The following PCDH15 variants were observed in gnomAD, a reference collection of about 807,000 sequenced individuals.
The protein encoded by PCDH15 is protocadherin-15.
In PCDH15, 129 loss-of-function variants were observed where a neutral mutation model predicts 178.5. That is an observed-to-expected ratio of 0.72 (90% CI 0.63 to 0.84). The LOEUF (loss-of-function observed/expected upper bound fraction) is 0.84. PCDH15 is among the 40% of genes least tolerant of loss of function. The probability of loss-of-function intolerance (pLI) is 0.00; values close to 1 mark genes in which losing one functional copy is unlikely to be tolerated. For missense variants in PCDH15, 2,230 were observed against 2,099.9 expected (o/e 1.06, Z -1.21); for synonymous variants, 800 against 732.0 (o/e 1.09, Z -1.50).
At chr10:54,422,811 G>A (rs905954956) in intron 3 of PCDH15, among the ~76,000 whole-genome samples, 2 of 152,094 alleles carry the variant, frequency 1.3e-5, no homozygotes, top group African/African-American at 4.8e-5. Flanking sequence ...GTCAGTTAGG[G>A]CAGCAGAGAA....
chr10:54,159,351 A>G (rs954647323), intron 13 of PCDH15, among the ~76,000 whole-genome samples: 2 of 152,024 alleles, frequency 1.3e-5, no homozygotes, highest in Non-Finnish European at 2.9e-5. Context: ...GTAAATTTAT[A>G]TCTGGTGTTT....
chr10:54,402,731 CACAT>C (rs899609260), intron 3 of PCDH15, among the ~76,000 whole-genome samples: 1 of 151,874 alleles, frequency 6.6e-6, no homozygotes, highest in African/African-American at 2.4e-5. Flanking sequence ...AAACCATTCC[CACAT>C]TACATTGAAC....
At chr10:54,436,229 G>A (rs1172429335) in intron 3 of PCDH15, among the ~76,000 whole-genome samples, 2 of 151,814 alleles carry the variant, frequency 1.3e-5, no homozygotes, top group East Asian at 3.9e-4. Flanking sequence ...GAATTAGAAT[G>A]CAAAGTCAAA....
intron 3 of PCDH15, among the ~76,000 whole-genome samples, chr10:54,862,150 AC>A (rs1378846449): frequency 6.6e-6 from 1 of 152,170 alleles, no homozygotes; most frequent in Non-Finnish European, 1.5e-5. Flanking sequence ...TACAATGCAT[AC>A]CTTTTTGTAG....
At chr10:54,837,511 A>T (rs1221882869) in intron 3 of PCDH15, among the ~76,000 whole-genome samples, 1 of 152,206 alleles carries the variant, frequency 6.6e-6, no homozygotes, top group Non-Finnish European at 1.5e-5. Flanking sequence ...AATTGAACTT[A>T]ATTGTTGTAA....
At chr10:55,264,877 C>A (rs1414323444) in intron 1 of PCDH15, among the ~76,000 whole-genome samples, 1 of 152,294 alleles carries the variant, frequency 6.6e-6, no homozygotes, top group East Asian at 1.9e-4. Flanking sequence ...TCTGAGGCCC[C>A]ATATGTGCAG....
intron 2 of PCDH15, among the ~76,000 whole-genome samples, chr10:55,567,691 C>T (rs905993406): frequency 6.6e-6 from 1 of 151,876 alleles, no homozygotes; most frequent in Non-Finnish European, 1.5e-5. Context: ...TGAAAACATG[C>T]TCAACATCAC....
At chr10:54,364,256 T>C (rs1442402111) in intron 5 of PCDH15, among the ~76,000 whole-genome samples, 2 of 151,716 alleles carry the variant, frequency 1.3e-5, no homozygotes, top group East Asian at 3.9e-4. Flanking sequence ...CTTGCTGAAC[T>C]CACTTTTTAA....
chr10:55,499,270 C>T (rs1251306600), intron 2 of PCDH15, among the ~76,000 whole-genome samples: 2 of 151,690 alleles, frequency 1.3e-5, no homozygotes, highest in Non-Finnish European at 2.9e-5. Flanking sequence ...TAACAGAAAA[C>T]TAATACAATT....
Position 54,629,118 on chromosome 10 carries a change from G to A in PCDH15, c.91+35054C>T, listed in dbSNP as rs1027444816. 1.4e-4 allele frequency among the ~76,000 whole-genome samples: 21 copies of A among 151,704 alleles called. No homozygotes were observed. In the East Asian group the frequency reaches 2.3e-3, roughly 17 times the overall value. ...TAGCTACAGTACTTATTATTCCACC[G>A]GAAGAAAGCATATGCTTCAACACAA... is the stretch of plus-strand genomic sequence containing the variant. On this transcript the variant is annotated intron_variant, in intron 2 of 37. Coordinates refer to ENST00000644397, the MANE Select transcript of PCDH15 (RefSeq NM_001384140.1).
rs542859017 is a variant in PCDH15, at chr10:54,464,107, C to G, written c.157+63705G>C. Among the ~76,000 whole-genome samples, 276 of 152,234 alleles carry G rather than the reference C, an allele frequency of 1.8e-3. 1 individual carries two copies. The highest frequency in any genetic ancestry group is 6.4e-3 in the African/African-American group (265 of 41,568). On this transcript the variant is annotated intron_variant, in intron 3 of 37. Transcript: ENST00000644397. ...TAGCTTCACCTGCACAGCCAGGGCT[C>G]TGTTGCACTGGAATCAGTAGAGGGA...
At chr10:55,012,041 G>A (rs944608782) in intron 2 of PCDH15, among the ~76,000 whole-genome samples, 7 of 152,054 alleles carry the variant, frequency 4.6e-5, no homozygotes, top group Non-Finnish European at 7.4e-5. Context: ...CCCTTGGCAC[G>A]AAGTATATTT....
At chr10:54,924,632 G>A (rs935270839) in intron 2 of PCDH15, among the ~76,000 whole-genome samples, 99 of 151,942 alleles carry the variant, frequency 6.5e-4, no homozygotes, top group African/African-American at 2.3e-3. Context: ...TTTAAAAATA[G>A]CCATTCTGAT....
chr10:54,145,852 CA>C (rs1286927979), intron 14 of PCDH15, among the ~76,000 whole-genome samples: 2 of 151,964 alleles, frequency 1.3e-5, no homozygotes, highest in African/African-American at 4.8e-5. Flanking sequence ...TGATTATAAC[CA>C]AAAGTGCCAA....
At chr10:53,926,128 C>T (rs1170320765) in intron 25 of PCDH15, among the ~76,000 whole-genome samples, 2 of 152,052 alleles carry the variant, frequency 1.3e-5, no homozygotes, top group Admixed American at 1.3e-4. Flanking sequence ...TGCAGTTGTC[C>T]TATATTTTCC....
In PCDH15 at chr10:55,089,010, G is replaced by C. The variant is rs181694858; in HGVS notation, c.-80+77566C>G. Reference sequence around the variant, plus strand: ...TATTCTAGATAAACTGATAATTCTTGTTTTAAAAAAAGATGTTATGTTTCT... The same window carrying C: ...TATTCTAGATAAACTGATAATTCTTCTTTTAAAAAAAGATGTTATGTTTCT... On this transcript the variant is annotated intron_variant, in intron 2 of 5. Transcript: ENST00000458638. Among the ~76,000 whole-genome samples, 277 of 152,016 alleles carry C rather than the reference G, an allele frequency of 1.8e-3. 2 individuals carry two copies. The highest frequency in any genetic ancestry group is 6.0e-3 in the African/African-American group (248 of 41,506).
At chr10:54,850,665 T>C (rs1162031165) in intron 3 of PCDH15, among the ~76,000 whole-genome samples, 3 of 152,122 alleles carry the variant, frequency 2.0e-5, no homozygotes, top group African/African-American at 4.8e-5. Flanking sequence ...ATTATGAATA[T>C]AAAATTGAAG....
chr10:54,831,462 AAC>A (rs1953226522), intron 3 of PCDH15, among the ~76,000 whole-genome samples: 1 of 152,108 alleles, frequency 6.6e-6, no homozygotes, highest in African/African-American at 2.4e-5. Context: ...ACCAGTTTTT[AAC>A]ATTGTGATGT....
intron 2 of PCDH15, among the ~76,000 whole-genome samples, chr10:55,100,312 C>T (rs978659398): frequency 1.3e-5 from 2 of 152,022 alleles, no homozygotes; most frequent in African/African-American, 2.4e-5. Flanking sequence ...ATGTTCAATA[C>T]ATATTTTAGG....
Sources: gnomAD v4.1 joint callset for allele counts (sites outside exome capture counted in the v4.1 genomes callset) on GRCh38, gnomAD v4.1.1 for gene constraint, MANE v1.5 for transcripts, NCBI Gene and HGNC (gene_info 2026-07-23, HGNC 2026-07-21) for gene names.